CRISPLD2: variants seen among roughly 807,000 people sequenced by gnomAD.
CRISPLD2 encodes the protein cysteine rich secretory protein LCCL domain containing 2, also known as cysteine-rich secretory protein LCCL domain-containing 2.
CRISPLD2 carries 47 observed loss-of-function variants against 71.1 expected under a neutral mutation model. The observed-to-expected ratio is 0.66, with a 90% CI of 0.52 to 0.84. The LOEUF is 0.84. Among genes scored for constraint, CRISPLD2 ranks in the 40% least tolerant of loss-of-function variants. The pLI, the probability that CRISPLD2 is intolerant of heterozygous loss-of-function variation, is 0.00. For missense variants in CRISPLD2, 830 were observed against 651.1 expected (o/e 1.27, Z -2.99); for synonymous variants, 317 against 250.1 (o/e 1.27, Z -2.52).
At chr16:84,844,651 C>G (rs886658149) in intron 2 of CRISPLD2, among the ~76,000 whole-genome samples, 3 of 152,130 alleles carry the variant, frequency 2.0e-5, no homozygotes, top group African/African-American at 7.2e-5. Flanking sequence ...GCGTGAGCCA[C>G]TGCTCCGGGC....
At chr16:84,832,434 G>A (rs774347361) in intron 1 of CRISPLD2, among the ~76,000 whole-genome samples, 3 of 152,264 alleles carry the variant, frequency 2.0e-5, no homozygotes, top group East Asian at 1.9e-4. Flanking sequence ...CAAATCAGAC[G>A]TAGTCCTTAT....
rs76466100 is a variant in CRISPLD2 at position 84,879,145 on chromosome 16, C to G, written c.1230-1364C>G. On this transcript the variant is annotated intron_variant, in intron 12 of 14. Coordinates refer to ENST00000262424, the MANE Select transcript of CRISPLD2 (RefSeq NM_031476.4). ...GGCTTTCTCTGGGCCTCCACTGCCT[C>G]CGCACCACCGTCTTGATCCCCCTTG... 8.4e-3 allele frequency among the ~76,000 whole-genome samples: 1,278 copies of G among 152,304 alleles called. 20 individuals carry two copies. Among genetic ancestry groups the G allele is most frequent in the African/African-American group, 0.029 (1,226 of 41,562 alleles).
intron 14 of CRISPLD2, among the ~76,000 whole-genome samples, chr16:84,891,370 T>G (rs1288570944): frequency 6.6e-6 from 1 of 152,188 alleles, no homozygotes; most frequent in Non-Finnish European, 1.5e-5. Flanking sequence ...ACAGCATCAC[T>G]TGTACCCAGA....
intron 14 of CRISPLD2, among the ~76,000 whole-genome samples, chr16:84,895,562 C>T (rs937246124): frequency 1.3e-5 from 2 of 152,066 alleles, no homozygotes; most frequent in Non-Finnish European, 2.9e-5. Context: ...CAAATCAAAA[C>T]GGAGATTGTA....
rs1040046749 is a variant in CRISPLD2 at position 84,840,960 on chromosome 16, C to T, written c.240+2225C>T. ...TGAGTGCCTCCCGTGTGCCCAGCACCCCGTGAGATTCTTGCTATAAAGAGG... is the reference window on the plus strand; with the variant it reads ...TGAGTGCCTCCCGTGTGCCCAGCACTCCGTGAGATTCTTGCTATAAAGAGG... On this transcript the variant is annotated intron_variant, in intron 2 of 14. Transcript: ENST00000262424. Among the ~76,000 whole-genome samples the T allele has an allele frequency of 2.6e-5, 4 of 152,226 alleles. No individual in the cohort carries two copies. The East Asian group carries it at 7.7e-4, about 29-fold the overall frequency.
rs748473995 is a variant in CRISPLD2 at position 84,872,995 on chromosome 16, T to C, written c.985T>C (p.Ser329Pro). The C allele has an allele frequency of 6.2e-7, 1 of 1,610,686 alleles. No individual in the cohort carries two copies. The highest frequency in any genetic ancestry group is 8.5e-7 in the Non-Finnish European group (1 of 1,178,710). ...IFGTLFYESSSSICRAAIHYG... is the reference protein window; with the variant it reads ...IFGTLFYESSPSICRAAIHYG... ...TCTTCTCTTCCCTTCCCGCCAGTCG[T>C]CTAGCATATGCCGCGCCGCCATCCA... The change falls in exon 10 of 15, where the codon TCT becomes CCT. Residue 329 changes from serine (S) to proline (P), a missense_variant. Coordinates refer to ENST00000262424, the MANE Select transcript of CRISPLD2 (RefSeq NM_031476.4).
intron 14 of CRISPLD2, among the ~76,000 whole-genome samples, chr16:84,900,538 CTGGGAGG>C (rs2071744326): frequency 1.4e-4 from 1 of 7,128 alleles, no homozygotes; most frequent in Non-Finnish European, 2.2e-4. Context: ...TCACACAGCG[CTGGGAGG>C]CATCACACAG....
chr16:84,885,320 C>T (rs1009547703), intron 13 of CRISPLD2, among the ~76,000 whole-genome samples: 5 of 152,262 alleles, frequency 3.3e-5, no homozygotes, highest in Admixed American at 1.3e-4. Flanking sequence ...AAAGTCTCCT[C>T]GCTTCTCTTT....
At chr16:84,837,567 A>G (rs912167160) in intron 1 of CRISPLD2, among the ~76,000 whole-genome samples, 1 of 132,356 alleles carries the variant, frequency 7.6e-6, no homozygotes, top group Non-Finnish European at 1.7e-5. Flanking sequence ...CAGGCGCGTG[A>G]CACCACGCCC....
chr16:84,899,080 CA>C (rs1427138339), intron 14 of CRISPLD2, among the ~76,000 whole-genome samples: 1 of 152,146 alleles, frequency 6.6e-6, no homozygotes, highest in Non-Finnish European at 1.5e-5. Flanking sequence ...TTTGTAGAGA[CA>C]GGGGTCACTG....
At chr16:84,832,084 A>C (rs1238685828) in intron 1 of CRISPLD2, among the ~76,000 whole-genome samples, 2 of 152,272 alleles carry the variant, frequency 1.3e-5, no homozygotes, top group Admixed American at 6.5e-5. Flanking sequence ...CTTTGAAATA[A>C]TATGAAGAGA....
intron 1 of CRISPLD2, among the ~76,000 whole-genome samples, chr16:84,833,562 C>T (rs1383310624): frequency 3.3e-5 from 5 of 152,098 alleles, no homozygotes; most frequent in African/African-American, 1.2e-4. Context: ...GGGAGCCTCA[C>T]ACCCTGGGTA....
chr16:84,888,681 A>T (rs545522412), intron 13 of CRISPLD2, among the ~76,000 whole-genome samples: 12 of 152,262 alleles, frequency 7.9e-5, no homozygotes, highest in African/African-American at 2.9e-4. Context: ...TGTTTCTTGG[A>T]TATGATGAGT....
Position 84,825,671 on chromosome 16 carries a change from G to A in CRISPLD2, c.-75+5538G>A, listed in dbSNP as rs113644629. Among the ~76,000 whole-genome samples the A allele has an allele frequency of 1.7e-3, 264 of 152,096 alleles. 2 individuals are homozygous for A. Among genetic ancestry groups the A allele is most frequent in the African/African-American group, 5.3e-3 (219 of 41,482 alleles). On this transcript the variant is annotated intron_variant, in intron 1 of 14. Coordinates refer to ENST00000262424, the MANE Select transcript of CRISPLD2 (RefSeq NM_031476.4). ...CTTGGGAGGCTGAGGGAGGAGAACC[G>A]CTTGAGCCTGGGAGGCAGAGGCTGC...
intron 14 of CRISPLD2, among the ~76,000 whole-genome samples, chr16:84,893,423 T>G (rs910814022): frequency 6.6e-6 from 1 of 152,226 alleles, no homozygotes; most frequent in Admixed American, 6.5e-5. Flanking sequence ...GTCAGGGATC[T>G]TCCAGGAATT....
intron 2 of CRISPLD2, among the ~76,000 whole-genome samples, chr16:84,840,576 G>A (rs993804723): frequency 2.0e-4 from 31 of 152,178 alleles, no homozygotes; most frequent in Admixed American, 2.0e-3. Context: ...GTGCCATCTC[G>A]GCTCACTGCA....
chr16:84,831,336 T>C (rs1196497450), intron 1 of CRISPLD2, among the ~76,000 whole-genome samples: 1 of 152,158 alleles, frequency 6.6e-6, no homozygotes, highest in Non-Finnish European at 1.5e-5. Context: ...TCAAGGTATA[T>C]ACAGAGCTAA....
intron 1 of CRISPLD2, among the ~76,000 whole-genome samples, chr16:84,831,439 G>A (rs1455956739): frequency 3.3e-5 from 5 of 152,260 alleles, no homozygotes; most frequent in East Asian, 1.9e-4. Context: ...TTGAGATAGA[G>A]TCGCCCAGGC....
Position 84,906,710 on chromosome 16 carries a change from T to C in CRISPLD2, c.*68T>C, listed in dbSNP as rs1364347445. 2.6e-6 allele frequency: 4 copies of C among 1,559,616 alleles called. No individual in the cohort carries two copies. The South Asian group carries it at 3.3e-5, about 13-fold the overall frequency. ...CGGGGTTTTGCTTTTATTTTTATTT[T>C]GTCATTGCGGGGTATATGGAGAGTC... is the stretch of plus-strand genomic sequence containing the variant. On this transcript the variant is annotated 3_prime_UTR_variant, in exon 15 of 15. Coordinates refer to ENST00000262424, the MANE Select transcript of CRISPLD2 (RefSeq NM_031476.4).
Sources: gnomAD v4.1 joint callset for allele counts (sites outside exome capture counted in the v4.1 genomes callset) on GRCh38, gnomAD v4.1.1 for gene constraint, MANE v1.5 for transcripts, NCBI Gene and HGNC (gene_info 2026-07-23, HGNC 2026-07-21) for gene names.